TACR1: variants seen among roughly 807,000 people sequenced by gnomAD.
TACR1 encodes the protein substance-P receptor.
TACR1 carries 25 observed loss-of-function variants against 35.8 expected under a neutral mutation model. The observed-to-expected ratio is 0.70, with a 90% CI of 0.51 to 0.98. The LOEUF (loss-of-function observed/expected upper bound fraction) is 0.98. Ranked by LOEUF, TACR1 falls within the 50% of genes least tolerant of loss-of-function variation. The pLI is 0.00. For missense variants in TACR1, 478 were observed against 522.9 expected, an observed-to-expected ratio of 0.91 and a Z score of 0.84; for synonymous variants, 195 against 206.7, an observed-to-expected ratio of 0.94 and a Z score of 0.48.
chr2:75,156,228 A>G (rs1674849532), intron 1 of TACR1: 1 of 152,170 alleles, frequency 6.6e-6, no homozygotes, highest in South Asian at 2.1e-4. Context: ...CATACAGAGG[A>G]CAAGGCCATG....
At chr2:75,166,164 A>G (rs1675138503) in intron 1 of TACR1, among the ~76,000 whole-genome samples, 1 of 152,252 alleles carries the variant, frequency 6.6e-6, no homozygotes. Context: ...AACATTCATT[A>G]TTTAATAAAA....
At chr2:75,076,967 CTATTAT>C (rs1037255745) in intron 2 of TACR1, among the ~76,000 whole-genome samples, 1 of 152,090 alleles carries the variant, frequency 6.6e-6, no homozygotes, top group Non-Finnish European at 1.5e-5. Flanking sequence ...CACCACACAT[CTATTAT>C]TATTATTATC....
Position 75,060,746 on chromosome 2 carries a change from C to A in TACR1, c.585-6991G>T, listed in dbSNP as rs1028856866. Among the ~76,000 whole-genome samples the A allele has an allele frequency of 3.9e-5, 6 of 152,252 alleles. No homozygotes were observed. In the South Asian group the frequency reaches 8.3e-4, roughly 21 times the overall value. On this transcript the variant is annotated intron_variant, in intron 2 of 4. Transcript: ENST00000305249. ...GGAGCATGGATGGAGGTGGAAAAGT[C>A]CAGAGGCAGTGAGCCTTTGGGGTGC...
intron 2 of TACR1, among the ~76,000 whole-genome samples, chr2:75,058,427 C>T (rs974861823): frequency 6.6e-6 from 1 of 152,090 alleles, no homozygotes; most frequent in Non-Finnish European, 1.5e-5. Flanking sequence ...TAGATTTCTG[C>T]CAGTTAGGAT....
intron 2 of TACR1, among the ~76,000 whole-genome samples, chr2:75,110,095 A>G (rs1257164210): frequency 2.6e-5 from 4 of 152,172 alleles, no homozygotes; most frequent in Non-Finnish European, 4.4e-5. Flanking sequence ...TTACAATAAG[A>G]TAAAGAAAAA....
chr2:75,110,119 C>G (rs1206574219), intron 2 of TACR1, among the ~76,000 whole-genome samples: 1 of 151,880 alleles, frequency 6.6e-6, no homozygotes, highest in Non-Finnish European at 1.5e-5. Context: ...TAAATGTATG[C>G]AGGCAGAAAT....
intron 3 of TACR1, among the ~76,000 whole-genome samples, chr2:75,052,414 T>C (rs1672486883): frequency 6.6e-6 from 1 of 152,196 alleles, no homozygotes. Flanking sequence ...GTCAAAGGCA[T>C]TTTGTTACAT....
intron 1 of TACR1, chr2:75,187,311 T>A (rs762842313): frequency 6.6e-6 from 1 of 152,246 alleles, no homozygotes; most frequent in Non-Finnish European, 1.5e-5. Flanking sequence ...GCAGAGATAA[T>A]TCTGCCTGTG....
intron 2 of TACR1, among the ~76,000 whole-genome samples, chr2:75,097,100 T>C (rs936483393): frequency 2.6e-5 from 4 of 152,238 alleles, no homozygotes; most frequent in Admixed American, 2.0e-4. Flanking sequence ...CATGCACTTC[T>C]GAGAGACTAG....
intron 1 of TACR1, among the ~76,000 whole-genome samples, chr2:75,135,947 C>A (rs1674280204): frequency 6.6e-6 from 1 of 152,194 alleles, no homozygotes; most frequent in Non-Finnish European, 1.5e-5. Context: ...CATCGTTTTG[C>A]AAATCTCACT....
At chr2:75,083,899 C>A (rs1252379724) in intron 2 of TACR1, among the ~76,000 whole-genome samples, 1 of 152,058 alleles carries the variant, frequency 6.6e-6, no homozygotes, top group Non-Finnish European at 1.5e-5. Context: ...TCCTCTTTTC[C>A]TAATTGAATA....
intron 1 of TACR1, among the ~76,000 whole-genome samples, chr2:75,129,700 C>T (rs1330393079): frequency 2.6e-5 from 4 of 152,124 alleles, no homozygotes; most frequent in Non-Finnish European, 5.9e-5. Context: ...TCATCCATTC[C>T]ATTGGGCCTG....
intron 1 of TACR1, among the ~76,000 whole-genome samples, chr2:75,190,457 G>A (rs562251291): frequency 6.6e-6 from 1 of 152,306 alleles, no homozygotes; most frequent in African/African-American, 2.4e-5. Context: ...TCTTTAGGGG[G>A]AAGAACATAA....
At chr2:75,053,366 G>A (rs993462839) in intron 3 of TACR1, among the ~76,000 whole-genome samples, 1 of 152,184 alleles carries the variant, frequency 6.6e-6, no homozygotes, top group African/African-American at 2.4e-5. Flanking sequence ...GTGTGTGTGT[G>A]TTTTAATGGA....
At chr2:75,098,664 C>G (rs1366724392) in intron 2 of TACR1, among the ~76,000 whole-genome samples, 1 of 152,126 alleles carries the variant, frequency 6.6e-6, no homozygotes, top group Non-Finnish European at 1.5e-5. Flanking sequence ...GCCTTGCTCA[C>G]CACCACATCC....
At chr2:75,123,939 T>C (rs1674021426) in intron 1 of TACR1, among the ~76,000 whole-genome samples, 4 of 152,228 alleles carry the variant, frequency 2.6e-5, no homozygotes, top group Admixed American at 2.6e-4. Flanking sequence ...TTATAAGATA[T>C]TACGGAGCAA....
rs1673451510 is a variant in TACR1 at position 75,097,677 on chromosome 2, G to T, written c.584+22897C>A. Among the ~76,000 whole-genome samples the T allele has an allele frequency of 2.0e-5, 3 of 152,132 alleles. No homozygotes were observed. In the South Asian group the frequency reaches 6.2e-4, roughly 32 times the overall value. On this transcript the variant is annotated intron_variant, in intron 2 of 4. Coordinates refer to ENST00000305249, the MANE Select transcript of TACR1 (RefSeq NM_001058.4). Reference sequence around the variant, plus strand: ...CATCTGACCACTGTCCATGCCCAGGGTCACCCAAACTTGAGGCAACTATTA... The same window carrying T: ...CATCTGACCACTGTCCATGCCCAGGTTCACCCAAACTTGAGGCAACTATTA...
intron 1 of TACR1, among the ~76,000 whole-genome samples, chr2:75,169,049 A>C (rs1211230444): frequency 6.6e-6 from 1 of 152,204 alleles, no homozygotes; most frequent in South Asian, 2.1e-4. Flanking sequence ...TTTATTTCTT[A>C]AGGCAAATAC....
At chr2:75,098,549 C>T (rs2103867041) in intron 2 of TACR1, among the ~76,000 whole-genome samples, 1 of 152,274 alleles carries the variant, frequency 6.6e-6, no homozygotes, top group Middle Eastern at 3.4e-3. Flanking sequence ...AGAATAGCTG[C>T]CTCAATATTG....
Sources: allele counts gnomAD v4.1 joint callset (sites outside exome capture counted in the v4.1 genomes callset), GRCh38; gene constraint gnomAD v4.1.1; transcripts MANE v1.5; gene names NCBI Gene and HGNC (gene_info 2026-07-23, HGNC 2026-07-21).